Variants in DPY19L2 observed in about 807,000 individuals in gnomAD.
DPY19L2 encodes the protein probable C-mannosyltransferase DPY19L2.
A neutral mutation model predicts 97.9 loss-of-function variants in DPY19L2; 34 were observed. That is an observed-to-expected ratio of 0.35 (90% CI 0.26 to 0.46). The LOEUF (loss-of-function observed/expected upper bound fraction) is 0.46, where lower values mean the gene tolerates loss of function less well. DPY19L2 is among the 20% of genes least tolerant of loss of function. The pLI, the probability that DPY19L2 is intolerant of heterozygous loss-of-function variation, is 1.00. For synonymous variants in DPY19L2, 230 were observed against 307.9 expected, an observed-to-expected ratio of 0.75 and a Z score of 2.65; for missense variants, 623 against 911.4, an observed-to-expected ratio of 0.68 and a Z score of 4.07.
intron 7 of DPY19L2, 128 bp from the exon 8 acceptor site, chr12:63,624,259 T>C (rs1889169785): frequency 1.2e-5 from 8 of 683,318 alleles, no homozygotes; most frequent in Non-Finnish European, 2.1e-5. Flanking sequence ...GTGTCTGGCA[T>C]AGCTTCTCAG....
rs906265620 is a variant in DPY19L2, at chr12:63,583,923, G to C, written c.1581-87C>G. 9 of 1,160,672 alleles carry C rather than the reference G, an allele frequency of 7.8e-6. No homozygotes were observed. In the African/African-American group the frequency reaches 1.1e-4, roughly 14 times the overall value. 71.9% of individuals were successfully genotyped at this position (1,160,672 alleles called of 1,614,324 possible). ...AATAAGCTTCATTTGCTTGATCTTA[G>C]ATTTTTAAAATGTGACTATCTCTAA... On this transcript the variant is annotated intron_variant, in intron 16 of 21. Coordinates refer to ENST00000324472, the MANE Select transcript of DPY19L2 (RefSeq NM_173812.5).
intron 21 of DPY19L2, among the ~76,000 whole-genome samples, chr12:63,566,862 C>T (rs2336441): frequency 6.6e-6 from 1 of 151,942 alleles, no homozygotes; most frequent in Non-Finnish European, 1.5e-5. Flanking sequence ...TCCCCTTTTA[C>T]TTTTACTTGA....
chr12:63,596,165 G>A lies in DPY19L2; in HGVS notation c.1462-128C>T, dbSNP rs897609811. The A allele has an allele frequency of 3.1e-5, 17 of 553,240 alleles. No individual in the cohort carries two copies. In the East Asian group the frequency reaches 3.7e-4, roughly 12 times the overall value. The allele number at this position is 553,240 out of a possible 1,614,324, so 34.3% of individuals were successfully genotyped here. On this transcript the variant is annotated intron_variant, in intron 14 of 21. Coordinates refer to ENST00000324472, the MANE Select transcript of DPY19L2 (RefSeq NM_173812.5). Reference sequence around the variant, plus strand: ...AAAAGGTTAAATTTCTTTGTCATCAGCAGAATATATATTTATTGTCTTCCA... The same window carrying A: ...AAAAGGTTAAATTTCTTTGTCATCAACAGAATATATATTTATTGTCTTCCA...
At chr12:63,560,830 G>A (rs1876351492) in intron 21 of DPY19L2, among the ~76,000 whole-genome samples, 168 bp from the exon 22 acceptor site, 2 of 152,100 alleles carry the variant, frequency 1.3e-5, no homozygotes, top group Non-Finnish European at 2.9e-5. Flanking sequence ...AAAATAGAAT[G>A]AAATTAAGCA....
intron 12 of DPY19L2, among the ~76,000 whole-genome samples, chr12:63,601,545 T>C (rs1885193585): frequency 6.6e-6 from 1 of 151,968 alleles, no homozygotes; most frequent in Non-Finnish European, 1.5e-5. Context: ...GAGTTATACC[T>C]CAAGTCCCTG....
intron 4 of DPY19L2, 150 bp from the exon 5 acceptor site, chr12:63,647,515 A>T: frequency 2.9e-6 from 1 of 344,848 alleles, no homozygotes; most frequent in South Asian, 8.0e-5. Context: ...GCTGGAAACC[A>T]TCATTCTTGG....
intron 4 of DPY19L2, chr12:63,651,772 C>T (rs1894267606): frequency 2.9e-6 from 1 of 343,748 alleles, no homozygotes; most frequent in Non-Finnish European, 5.8e-6. Flanking sequence ...GAGCTGGCTG[C>T]CTTTACAAAG....
intron 6 of DPY19L2, among the ~76,000 whole-genome samples, chr12:63,629,391 A>C (rs1361020023): frequency 6.6e-6 from 1 of 152,136 alleles, no homozygotes; most frequent in Non-Finnish European, 1.5e-5. Context: ...GCAGCTGAAA[A>C]CCAAGGCACG....
chr12:63,633,761 A>G (rs1398237148), intron 6 of DPY19L2, among the ~76,000 whole-genome samples: 1 of 152,186 alleles, frequency 6.6e-6, no homozygotes, highest in Admixed American at 6.5e-5. Context: ...AGACACATGC[A>G]CACGTATGTT....
intron 7 of DPY19L2, among the ~76,000 whole-genome samples, chr12:63,625,443 C>A (rs1480242824): frequency 6.6e-6 from 1 of 151,356 alleles, no homozygotes; most frequent in Admixed American, 6.6e-5. Flanking sequence ...TGTGACATAA[C>A]ATATTAAATG....
chr12:63,590,130 AAACAACAAC>A (rs530724760), intron 16 of DPY19L2, among the ~76,000 whole-genome samples: 1 of 151,426 alleles, frequency 6.6e-6, no homozygotes, highest in Non-Finnish European at 1.5e-5. Flanking sequence ...AAACAAAACA[AAACAACAAC>A]AACAACAACA....
chr12:63,580,977 G>A (rs572215064), intron 18 of DPY19L2, 141 bp from the exon 19 acceptor site: 89 of 883,998 alleles, frequency 1.0e-4, no homozygotes, highest in South Asian at 9.1e-4. Context: ...TATCATCTCC[G>A]ATTGTTTCTA....
In DPY19L2 at chr12:63,663,780, TC is replaced by T; in HGVS notation, c.427del (p.Glu143ArgfsTer2). 6.2e-7 allele frequency: 1 copy of T among 1,604,930 alleles called. No individual in the cohort carries two copies. Among genetic ancestry groups the T allele is most frequent in the Non-Finnish European group, 8.5e-7 (1 of 1,177,770 alleles). Reference sequence around the variant, plus strand: ...AACCATTTCAGTGCGAAAAGTCATCTCCCGTTCCAAAGATGAGAGGTGAGAG... The same window carrying T: ...AACCATTTCAGTGCGAAAAGTCATCTCCGTTCCAAAGATGAGAGGTGAGAG... ...HFSHLSSLEREMTFRTEMGLY... is the reference protein window; with the variant it reads ...HFSHLSSLERXMTFRTEMGLY... On this transcript the variant is annotated frameshift_variant, in exon 3 of 22. Coordinates refer to ENST00000324472, the MANE Select transcript of DPY19L2 (RefSeq NM_173812.5). LOFTEE classifies it high-confidence loss of function.
intron 4 of DPY19L2, among the ~76,000 whole-genome samples, chr12:63,659,643 C>A (rs1895415116): frequency 6.6e-6 from 1 of 152,012 alleles, no homozygotes; most frequent in Non-Finnish European, 1.5e-5. Flanking sequence ...ATAATAGAGT[C>A]CAGAAACAGA....
chr12:63,579,477 G>A (rs1422137549), intron 19 of DPY19L2, among the ~76,000 whole-genome samples: 1 of 152,184 alleles, frequency 6.6e-6, no homozygotes, highest in Non-Finnish European at 1.5e-5. Flanking sequence ...GATCAAAGAA[G>A]AGGCATCTAA....
chr12:63,648,431 C>CT (rs1345315286), intron 4 of DPY19L2, among the ~76,000 whole-genome samples: 3,141 of 143,828 alleles, frequency 0.022, 121 homozygotes, highest in African/African-American at 0.073. Flanking sequence ...CTTCCCTGGG[C>CT]TTTTTTTTTT....
intron 8 of DPY19L2, among the ~76,000 whole-genome samples, chr12:63,622,042 G>A (rs1317550635): frequency 5.9e-5 from 9 of 151,824 alleles, no homozygotes; most frequent in Non-Finnish European, 2.9e-5. Flanking sequence ...TTGTACAATC[G>A]TATATAAATT....
In DPY19L2 at chr12:63,559,110, TCTC is replaced by T. The variant is rs889150123; in HGVS notation, c.*1399_*1401del. On this transcript the variant is annotated 3_prime_UTR_variant, in exon 22 of 22. Transcript: ENST00000324472. Reference sequence around the variant, plus strand: ...GTGTTATGTCTCTTTTCTTTGACGCTCTCCTTTTTTATCCTGTGCTTACACCAA... The same window carrying T: ...GTGTTATGTCTCTTTTCTTTGACGCTCTTTTTTATCCTGTGCTTACACCAA... 20 of 152,308 alleles carry T rather than the reference TCTC, an allele frequency of 1.3e-4. No homozygotes were observed. The highest frequency in any genetic ancestry group is 3.9e-4 in the Admixed American group (6 of 15,296). 9.4% of individuals were successfully genotyped at this position (152,308 alleles called of 1,614,324 possible).
intron 8 of DPY19L2, among the ~76,000 whole-genome samples, chr12:63,622,942 T>C (rs1302001406): frequency 6.6e-6 from 1 of 152,040 alleles, no homozygotes; most frequent in Non-Finnish European, 1.5e-5. Flanking sequence ...TAAATAAAAA[T>C]TTGTGTATGT....
Sources: allele counts gnomAD v4.1 joint callset (sites outside exome capture counted in the v4.1 genomes callset), GRCh38; gene constraint gnomAD v4.1.1; transcripts MANE v1.5; gene names NCBI Gene and HGNC (gene_info 2026-07-23, HGNC 2026-07-21).